Variants in SLC26A8 observed in about 807,000 individuals in gnomAD.
SLC26A8 encodes the protein testis anion transporter 1.
In SLC26A8, 70 loss-of-function variants were observed where a neutral mutation model predicts 105.0. The observed-to-expected ratio is 0.67, with a 90% CI of 0.55 to 0.81. The LOEUF (loss-of-function observed/expected upper bound fraction) is 0.81. Among genes scored for constraint, SLC26A8 ranks in the 40% least tolerant of loss-of-function variants. The pLI is 0.00. For synonymous variants in SLC26A8, 415 were observed against 438.3 expected (o/e 0.95, Z 0.66); for missense variants, 998 against 1,181.8 (o/e 0.84, Z 2.28).
intron 5 of SLC26A8, among the ~76,000 whole-genome samples, chr6:35,995,493 T>A (rs1257340044): frequency 1.3e-5 from 2 of 152,226 alleles, no homozygotes; most frequent in African/African-American, 4.8e-5. Flanking sequence ...AATATTATTT[T>A]ATGCTTAAGA....
At chr6:35,955,962 T>C (rs1397867276) in intron 16 of SLC26A8, among the ~76,000 whole-genome samples, 1 of 152,144 alleles carries the variant, frequency 6.6e-6, no homozygotes, top group Non-Finnish European at 1.5e-5. Context: ...ACTTGAAGGC[T>C]GGGTGCAGTG....
chr6:35,992,628 G>A lies in SLC26A8; in HGVS notation c.674C>T (p.Pro225Leu), dbSNP rs746630906. Residue 225 changes from proline to leucine, a missense_variant, in exon 6 of 20, where the codon CCG (proline) becomes CTG (leucine). Pro to Leu is a moderately conservative substitution (Grantham distance 98). Coordinates refer to ENST00000490799, the MANE Select transcript of SLC26A8 (RefSeq NM_052961.4). Reference sequence around the variant, plus strand: ...CAGGTAAGCACTCATTGCAGACTCCGGAAGGTAAGTGGCAATGAAGCCCAA... The same window carrying A: ...CAGGTAAGCACTCATTGCAGACTCCAGAAGGTAAGTGGCAATGAAGCCCAA... ...LGLGFIATYLPESAMSAYLAA... is the reference protein window; with the variant it reads ...LGLGFIATYLLESAMSAYLAA... The A allele has an allele frequency of 2.5e-5, 41 of 1,613,718 alleles. No homozygotes were observed. The highest frequency in any genetic ancestry group is 6.7e-5 in the East Asian group (3 of 44,866).
At position 35,956,126 on chromosome 6, in the gene SLC26A8, G is replaced by A. The variant is rs115861676; in HGVS notation, c.1864-606C>T. The stretch of plus-strand genomic sequence containing the variant: ...TAAATAAGAATAAAAATAGCTGGGC[G>A]TGTCAGTGAGCCTGTAGCCCCACCT... On this transcript the variant is annotated intron_variant, in intron 16 of 19. Coordinates refer to ENST00000490799, the MANE Select transcript of SLC26A8 (RefSeq NM_052961.4). Among the ~76,000 whole-genome samples the A allele has an allele frequency of 2.3e-3, 353 of 152,170 alleles. 2 individuals are homozygous for A. The highest frequency in any genetic ancestry group is 7.1e-3 in the African/African-American group (296 of 41,528).
intron 6 of SLC26A8, 49 bp downstream of exon 6, chr6:35,992,461 G>A (rs1407822194): frequency 1.9e-6 from 3 of 1,563,806 alleles, no homozygotes; most frequent in East Asian, 2.2e-5. Flanking sequence ...TTCTTTGGAG[G>A]CAAGAGGAGT....
At chr6:35,979,321 C>T (rs1773178368) in intron 8 of SLC26A8, among the ~76,000 whole-genome samples, 1 of 151,746 alleles carries the variant, frequency 6.6e-6, no homozygotes, top group African/African-American at 2.4e-5. Flanking sequence ...ACTAAAAATA[C>T]AAAAATTAGC....
intron 1 of SLC26A8, among the ~76,000 whole-genome samples, chr6:36,023,546 CAA>C (rs59633591): frequency 0.034 from 2,133 of 63,486 alleles, 35 homozygotes; most frequent in African/African-American, 0.11. Flanking sequence ...GACTCTGTCT[CAA>C]AAAAAAAAAA....
chr6:35,989,092 G>A (rs879702705), intron 7 of SLC26A8, among the ~76,000 whole-genome samples: 1 of 151,876 alleles, frequency 6.6e-6, no homozygotes, highest in Non-Finnish European at 1.5e-5. Flanking sequence ...CACCCACCTC[G>A]GCCTCCCAAA....
At chr6:35,994,951 T>C (rs1454942934) in intron 5 of SLC26A8, among the ~76,000 whole-genome samples, 1 of 152,244 alleles carries the variant, frequency 6.6e-6, no homozygotes, top group Non-Finnish European at 1.5e-5. Context: ...GTTCCTGGGC[T>C]TGGAGAATCT....
intron 15 of SLC26A8, 44 bp downstream of exon 15, chr6:35,959,670 C>CG (rs1562023036): frequency 6.2e-7 from 1 of 1,602,904 alleles, no homozygotes; most frequent in Non-Finnish European, 8.5e-7. Flanking sequence ...ATGCCAGTGG[C>CG]GGGGAGTGGG....
intron 2 of SLC26A8, among the ~76,000 whole-genome samples, chr6:36,017,827 A>G (rs1053785202): frequency 6.6e-6 from 1 of 152,202 alleles, no homozygotes; most frequent in African/African-American, 2.4e-5. Context: ...AACAACAAAA[A>G]GACAAACAAC....
Position 35,951,290 on chromosome 6 carries a change from G to T in SLC26A8, c.2345C>A (p.Thr782Asn), listed in dbSNP as rs1211732956. The T allele has an allele frequency of 1.2e-6, 2 of 1,614,002 alleles. No individual in the cohort carries two copies. Among genetic ancestry groups the T allele is most frequent in the Non-Finnish European group, 1.7e-6 (2 of 1,180,044 alleles). ...GTCGTGAACGCTGAGGAACAGCTGG[G>T]TCTTGGTGATGCCAGCGTCAAAGAA... ...NDFFDAGITK[T>N]QLFLSVHDAV... The change falls in exon 19 of 20, where the codon ACC (threonine) becomes AAC (asparagine). Residue 782 changes from threonine (T) to asparagine (N), a missense_variant. Thr to Asn is a moderately conservative substitution (Grantham distance 65). Coordinates refer to ENST00000490799, the MANE Select transcript of SLC26A8 (RefSeq NM_052961.4).
chr6:36,000,032 T>C lies in SLC26A8; in HGVS notation c.405A>G (p.Val135=). The C allele has an allele frequency of 6.2e-7, 1 of 1,614,088 alleles. No homozygotes were observed. Residue 135 remains valine, a synonymous_variant, in exon 4 of 20, where the codon GTA becomes GTG. Coordinates refer to ENST00000490799, the MANE Select transcript of SLC26A8 (RefSeq NM_052961.4). The part of the protein sequence containing the change: ...NIAYAAFCSS[V]IYVIFGSCHQ... ...GACACGATCCAAAAATTACATAGAT[T>C]ACCGAAGAACAGAAAGCTGCATAAG...
At position 35,988,577 on chromosome 6, in the gene SLC26A8, G is replaced by A. The variant is rs149876505; in HGVS notation, c.942+3082C>T. On this transcript the variant is annotated intron_variant, in intron 7 of 19. Coordinates refer to ENST00000490799, the MANE Select transcript of SLC26A8 (RefSeq NM_052961.4). ...TTGAATCTGGGAGGCGGAGGTTGCA[G>A]TGGGCCGAGATCATGCCACTGCACT... Among the ~76,000 whole-genome samples the A allele has an allele frequency of 9.2e-3, 1,402 of 152,138 alleles. 16 individuals carry two copies. Among genetic ancestry groups the A allele is most frequent in the African/African-American group, 0.032 (1,326 of 41,542 alleles).
At chr6:35,948,240 T>C (rs1771741210) in intron 19 of SLC26A8, among the ~76,000 whole-genome samples, 2 of 152,158 alleles carry the variant, frequency 1.3e-5, no homozygotes, top group South Asian at 4.1e-4. Flanking sequence ...AGAACACTGA[T>C]GACATAGGAC....
At chr6:35,958,382 C>T (rs1772175977) in intron 16 of SLC26A8, among the ~76,000 whole-genome samples, 1 of 152,082 alleles carries the variant, frequency 6.6e-6, no homozygotes, top group South Asian at 2.1e-4. Flanking sequence ...TACCTGTAAT[C>T]CCAGCTACTT....
chr6:35,956,933 A>C (rs1002693581), intron 16 of SLC26A8, among the ~76,000 whole-genome samples: 4 of 151,722 alleles, frequency 2.6e-5, no homozygotes, highest in African/African-American at 9.7e-5. Flanking sequence ...AGAAAAAAAA[A>C]AAAACAAAAG....
rs371327114 is a variant in SLC26A8 at position 35,976,550 on chromosome 6, C to CTTTTTTTTTT, written c.1173+644_1173+653dup. 3.7e-3 allele frequency among the ~76,000 whole-genome samples: 481 copies of CTTTTTTTTTT among 130,098 alleles called. 23 individuals carry two copies. Among genetic ancestry groups the CTTTTTTTTTT allele is most frequent in the African/African-American group, 0.014 (455 of 33,102 alleles). The allele number at this position is 130,098 out of a possible 152,430, so 85.3% of individuals were successfully genotyped here. ...AACTGTATGGTATTAGAAGCCCTCGCTTTTTTTTTTTTTTTTTTGAGATGG... is the reference window on the plus strand; with the variant it reads ...AACTGTATGGTATTAGAAGCCCTCGCTTTTTTTTTTTTTTTTTTTTTTTTTTTTGAGATGG... On this transcript the variant is annotated intron_variant, in intron 9 of 19. Coordinates refer to ENST00000490799, the MANE Select transcript of SLC26A8 (RefSeq NM_052961.4).
chr6:35,995,153 T>C (rs1010704572), intron 5 of SLC26A8, among the ~76,000 whole-genome samples: 3 of 152,252 alleles, frequency 2.0e-5, no homozygotes, highest in Non-Finnish European at 4.4e-5. Flanking sequence ...ATCACTCATA[T>C]ATGCAAATAT....
chr6:36,021,676 T>C (rs1171665959), intron 1 of SLC26A8, among the ~76,000 whole-genome samples: 3 of 152,242 alleles, frequency 2.0e-5, no homozygotes, highest in Admixed American at 2.0e-4. Context: ...ATCTGATCTT[T>C]TCCAGGAGAA....
Sources: gnomAD v4.1 joint callset for allele counts (sites outside exome capture counted in the v4.1 genomes callset) on GRCh38, gnomAD v4.1.1 for gene constraint, MANE v1.5 for transcripts, NCBI Gene and HGNC (gene_info 2026-07-23, HGNC 2026-07-21) for gene names.